EXOC6B: variants seen among roughly 807,000 people sequenced by gnomAD.
EXOC6B encodes SEC15 homolog B.
A neutral mutation model predicts 113.5 loss-of-function variants in EXOC6B; 54 were observed. That is an observed-to-expected ratio of 0.48 (90% CI 0.38 to 0.60). The LOEUF is 0.60. Among genes scored for constraint, EXOC6B ranks in the 20% least tolerant of loss-of-function variants. The pLI is 0.00. For synonymous variants in EXOC6B, 357 were observed against 339.0 expected (o/e 1.05, Z -0.58); for missense variants, 797 against 977.5 (o/e 0.82, Z 2.46).
intron 18 of EXOC6B, among the ~76,000 whole-genome samples, chr2:72,419,640 C>T (rs1214654164): frequency 6.6e-6 from 1 of 152,146 alleles, no homozygotes; most frequent in Non-Finnish European, 1.5e-5. Context: ...TGCCTTATGG[C>T]CTCCAACATT....
Position 72,529,977 on chromosome 2 carries a change from G to A in EXOC6B, c.916-14851C>T, listed in dbSNP as rs149099421. Among the ~76,000 whole-genome samples the A allele has an allele frequency of 4.9e-3, 752 of 152,020 alleles. 20 individuals carry two copies. The highest frequency in any genetic ancestry group is 0.045 in the Admixed American group (682 of 15,262). On this transcript the variant is annotated intron_variant, in intron 8 of 21. Transcript: ENST00000272427. The stretch of plus-strand genomic sequence containing the variant: ...AATAGTGTCTCTATTGATATTCCCT[G>A]TTTTAGTTTTATGTCTAATATCAAT...
chr2:72,372,072 T>C (rs908683466), intron 19 of EXOC6B, among the ~76,000 whole-genome samples: 2 of 152,048 alleles, frequency 1.3e-5, no homozygotes, highest in African/African-American at 4.8e-5. Flanking sequence ...CCCTTTATAA[T>C]AGCCACAAAT....
intron 8 of EXOC6B, among the ~76,000 whole-genome samples, chr2:72,529,974 C>T (rs1158434707): frequency 6.6e-6 from 1 of 151,896 alleles, no homozygotes; most frequent in Non-Finnish European, 1.5e-5. Flanking sequence ...ATTGATATTC[C>T]CTGTTTTAGT....
At chr2:72,344,101 G>A (rs1689178714) in intron 19 of EXOC6B, among the ~76,000 whole-genome samples, 1 of 152,052 alleles carries the variant, frequency 6.6e-6, no homozygotes, top group Non-Finnish European at 1.5e-5. Context: ...TGTCCCTTAG[G>A]TTCTGTTTAC....
At chr2:72,416,708 C>G (rs530534299) in intron 18 of EXOC6B, among the ~76,000 whole-genome samples, 1 of 152,168 alleles carries the variant, frequency 6.6e-6, no homozygotes, top group African/African-American at 2.4e-5. Context: ...CTTGATCTTC[C>G]TTGGGTCTAT....
intron 20 of EXOC6B, among the ~76,000 whole-genome samples, chr2:72,310,341 A>T (rs1398623446): frequency 6.6e-6 from 1 of 152,180 alleles, no homozygotes; most frequent in Non-Finnish European, 1.5e-5. Context: ...TGGTGGGTAT[A>T]AAGTGGTATC....
intron 18 of EXOC6B, among the ~76,000 whole-genome samples, chr2:72,409,924 C>T (rs1482122930): frequency 6.6e-6 from 1 of 152,056 alleles, no homozygotes; most frequent in African/African-American, 2.4e-5. Context: ...ACATGTTCTG[C>T]TCCCTTTGGA....
intron 20 of EXOC6B, among the ~76,000 whole-genome samples, chr2:72,328,390 A>C (rs1264191472): frequency 6.6e-6 from 1 of 151,646 alleles, no homozygotes. Context: ...TGTTTCCTAA[A>C]ACGGAACTAT....
At chr2:72,349,126 T>G (rs1057156446) in intron 19 of EXOC6B, among the ~76,000 whole-genome samples, 1 of 152,212 alleles carries the variant, frequency 6.6e-6, no homozygotes, top group African/African-American at 2.4e-5. Context: ...AAGTTCTCAG[T>G]GCCAGATGTC....
At chr2:72,265,195 G>C (rs982625373) in intron 20 of EXOC6B, among the ~76,000 whole-genome samples, 1 of 151,718 alleles carries the variant, frequency 6.6e-6, no homozygotes, top group African/African-American at 2.4e-5. Context: ...ATGGAGATGA[G>C]GAACTTCTTG....
intron 20 of EXOC6B, among the ~76,000 whole-genome samples, chr2:72,253,844 C>G (rs970013749): frequency 6.6e-6 from 1 of 152,014 alleles, no homozygotes; most frequent in African/African-American, 2.4e-5. Context: ...ACCCTTGAAC[C>G]TAAAATAAAA....
chr2:72,799,239 C>CAAAA (rs956224881), intron 1 of EXOC6B, among the ~76,000 whole-genome samples: 63 of 40,206 alleles, frequency 1.6e-3, no homozygotes, highest in Admixed American at 2.2e-3. Context: ...GACCCTGTCT[C>CAAAA]AAAAAAAAAA....
intron 20 of EXOC6B, among the ~76,000 whole-genome samples, chr2:72,273,377 T>A (rs1005822273): frequency 1.3e-5 from 2 of 152,130 alleles, no homozygotes; most frequent in Non-Finnish European, 2.9e-5. Context: ...GAGATAAGGA[T>A]ATAAAAACGA....
chr2:72,599,983 A>G (rs1596931), intron 6 of EXOC6B, among the ~76,000 whole-genome samples: 2 of 152,002 alleles, frequency 1.3e-5, no homozygotes, highest in South Asian at 2.1e-4. Flanking sequence ...TGATCTAAAG[A>G]TTCAACACAA....
In EXOC6B at chr2:72,378,112, C is replaced by T. The variant is rs572110668; in HGVS notation, c.2122+1617G>A. Among the ~76,000 whole-genome samples, 5 of 152,292 alleles carry T rather than the reference C, an allele frequency of 3.3e-5. No homozygotes were observed. The South Asian group carries it at 1.0e-3, about 32-fold the overall frequency. On this transcript the variant is annotated intron_variant, in intron 19 of 21. Coordinates refer to ENST00000272427, the MANE Select transcript of EXOC6B (RefSeq NM_015189.3). ...AATTCCAATGTTTCCATGTATGTTT[C>T]CAGTGACCTTTGGCACCCTTATTCA... is the stretch of plus-strand genomic sequence containing the variant.
chr2:72,304,322 A>C (rs1686703908), intron 20 of EXOC6B, among the ~76,000 whole-genome samples: 1 of 152,208 alleles, frequency 6.6e-6, no homozygotes, highest in Non-Finnish European at 1.5e-5. Flanking sequence ...TTAATAGAAT[A>C]TTACTGAACA....
intron 6 of EXOC6B, among the ~76,000 whole-genome samples, chr2:72,687,564 A>C (rs1300578519): frequency 1.3e-5 from 2 of 152,324 alleles, no homozygotes; most frequent in South Asian, 2.1e-4. Flanking sequence ...CAGTGTGGTA[A>C]GGAAACAACG....
At chr2:72,284,936 C>A (rs758312523) in intron 20 of EXOC6B, among the ~76,000 whole-genome samples, 16 of 151,964 alleles carry the variant, frequency 1.1e-4, no homozygotes, top group Non-Finnish European at 2.2e-4. Flanking sequence ...TCATCAAGAT[C>A]TACATGAGAA....
chr2:72,483,564 T>C (rs985851347), intron 16 of EXOC6B, among the ~76,000 whole-genome samples: 2 of 152,212 alleles, frequency 1.3e-5, no homozygotes, highest in East Asian at 1.9e-4. Context: ...ATTACATCAA[T>C]TGGCTGTCAG....
Sources: gnomAD v4.1 joint callset for allele counts (sites outside exome capture counted in the v4.1 genomes callset) on GRCh38, gnomAD v4.1.1 for gene constraint, MANE v1.5 for transcripts, NCBI Gene and HGNC (gene_info 2026-07-23, HGNC 2026-07-21) for gene names.